CROCC2: variants seen among roughly 807,000 people sequenced by gnomAD.
CROCC2 encodes ciliary rootlet coiled-coil, rootletin family member 2, also known as ciliary rootlet coiled-coil protein 2.
In CROCC2, 163 loss-of-function variants were observed where a neutral mutation model predicts 177.6. That is an observed-to-expected ratio of 0.92 (90% CI 0.81 to 1.05). The LOEUF is 1.05. Ranked by LOEUF, CROCC2 falls within the 50% of genes least tolerant of loss-of-function variation. The probability of loss-of-function intolerance (pLI) is 0.00; values close to 1 mark genes in which losing one functional copy is unlikely to be tolerated. For missense variants in CROCC2, 1,929 were observed against 1,797.8 expected (o/e 1.07, Z -1.32); for synonymous variants, 904 against 787.3 (o/e 1.15, Z -2.48).
chr2:240,937,076 GA>G (rs1431446383), intron 14 of CROCC2, among the ~76,000 whole-genome samples: 2 of 152,226 alleles, frequency 1.3e-5, no homozygotes, highest in Non-Finnish European at 2.9e-5. Flanking sequence ...GCAGCTTTCC[GA>G]AAAAGCAGGC....
At chr2:240,970,740 T>A (rs1217719705) in intron 27 of CROCC2, among the ~76,000 whole-genome samples, 1 of 152,138 alleles carries the variant, frequency 6.6e-6, no homozygotes, top group Non-Finnish European at 1.5e-5. Context: ...AGGTTGAACT[T>A]CTCTTGGTGT....
rs147156564 is a variant in CROCC2, at chr2:240,922,607, G to A, written c.450G>A (p.Leu150=). The change falls in exon 4 of 32, where the codon CTG becomes CTA. Residue 150 remains leucine (L), a synonymous_variant. Coordinates refer to ENST00000690015, the MANE Select transcript of CROCC2 (RefSeq NM_001351305.2). ...RRSELEHSVD[L]EEALGRLEAA... ...CAGAGCTGGAGCACAGCGTGGATCT[G>A]GAGGAGGCCCTTGGCCGTCTGGAGG... 1.4e-4 allele frequency: 93 copies of A among 681,160 alleles called. No homozygotes were observed. The African/African-American group carries it at 1.5e-3, about 11-fold the overall frequency. 42.2% of individuals were successfully genotyped at this position (681,160 alleles called of 1,614,324 possible).
chr2:240,933,861 C>A lies in CROCC2; in HGVS notation c.1646+9C>A, dbSNP rs1282768749. ...AGGGCACTGGAGACCAGGTGCGCGG[C>A]CGTGGCTGGGTGGGCAGGGCCCCTC... is the stretch of plus-strand genomic sequence containing the variant. On this transcript the variant is annotated intron_variant, in intron 11 of 31. Transcript: ENST00000690015. 6.5e-7 allele frequency: 1 copy of A among 1,539,846 alleles called. No homozygotes were observed. The highest frequency in any genetic ancestry group is 8.8e-7 in the Non-Finnish European group (1 of 1,141,056).
intron 18 of CROCC2, among the ~76,000 whole-genome samples, chr2:240,952,315 C>CGAA (rs749292689): frequency 8.8e-6 from 1 of 113,536 alleles, no homozygotes; most frequent in Non-Finnish European, 1.8e-5. Context: ...TACTCCTTCT[C>CGAA]AAAAAAAAAA....
intron 1 of CROCC2, among the ~76,000 whole-genome samples, chr2:240,915,912 T>C (rs1048043997): frequency 3.3e-5 from 5 of 152,272 alleles, no homozygotes; most frequent in African/African-American, 1.2e-4. Flanking sequence ...CCTCCAGCCC[T>C]GGTGTTCCCT....
At chr2:240,930,807 C>T (rs754009407) in intron 6 of CROCC2, 124 bp from the exon 7 acceptor site, 1 of 598,454 alleles carries the variant, frequency 1.7e-6, no homozygotes, top group Non-Finnish European at 3.0e-6. Context: ...ACAATCAATG[C>T]CATGCAGTGG....
chr2:240,940,596 C>T (rs1310464968), intron 14 of CROCC2, among the ~76,000 whole-genome samples: 1 of 151,462 alleles, frequency 6.6e-6, no homozygotes, highest in Non-Finnish European at 1.5e-5. Context: ...AAACAAAAAT[C>T]ACATGATCAT....
chr2:240,935,771 GAGA>G (rs34918663), intron 14 of CROCC2, among the ~76,000 whole-genome samples, 183 bp downstream of exon 14: 24,984 of 152,172 alleles, frequency 0.16, 2,211 homozygotes, highest in African/African-American at 0.2. Context: ...AAGGTATGCA[GAGA>G]AGAAGATTCC....
chr2:240,957,161 G>A (rs1323119862), intron 19 of CROCC2, among the ~76,000 whole-genome samples: 8 of 152,144 alleles, frequency 5.3e-5, no homozygotes, highest in Non-Finnish European at 1.2e-4. Flanking sequence ...GGGCGAGGCT[G>A]ATCGCCAACC....
Position 240,964,492 on chromosome 2 carries a change from A to G in CROCC2, c.3332A>G (p.Glu1111Gly). The G allele has an allele frequency of 6.5e-7, 1 of 1,548,806 alleles. No individual in the cohort carries two copies. Among genetic ancestry groups the G allele is most frequent in the Non-Finnish European group, 8.7e-7 (1 of 1,146,844 alleles). Reference sequence around the variant, plus strand: ...TTTAAGCGGTCCAAGGAGGAGAAGGAGCAGAAGCTGCTCATCCTGGAGGAG... The same window carrying G: ...TTTAAGCGGTCCAAGGAGGAGAAGGGGCAGAAGCTGCTCATCCTGGAGGAG... Reference protein sequence around the residue: ...ASFKRSKEEKEQKLLILEEAQ... With the variant: ...ASFKRSKEEKGQKLLILEEAQ... The change falls in exon 22 of 32, where the codon GAG becomes GGG. Residue 1111 changes from glutamate to glycine, a missense_variant. Coordinates refer to ENST00000690015, the MANE Select transcript of CROCC2 (RefSeq NM_001351305.2).
At position 240,931,550 on chromosome 2, in the gene CROCC2, G is replaced by T. The variant is rs544401343; in HGVS notation, c.947+422G>T. 1.8e-4 allele frequency among the ~76,000 whole-genome samples: 28 copies of T among 152,356 alleles called. No homozygotes were observed. In the South Asian group the frequency reaches 5.4e-3, roughly 29 times the overall value. ...TGAAGGACACCCACGCCCTCTCTGG[G>T]GGTCTATGAGCCCCGCCGTGATTGT... is the stretch of plus-strand genomic sequence containing the variant. On this transcript the variant is annotated intron_variant, in intron 7 of 31. Transcript: ENST00000690015.
intron 1 of CROCC2, among the ~76,000 whole-genome samples, chr2:240,913,930 G>C (rs541603933): frequency 6.6e-6 from 1 of 152,276 alleles, no homozygotes; most frequent in Admixed American, 6.5e-5. Flanking sequence ...CCTGTCCTCA[G>C]ATGTGTTCTT....
chr2:240,926,562 C>T (rs186029455), intron 5 of CROCC2, among the ~76,000 whole-genome samples: 4 of 152,252 alleles, frequency 2.6e-5, no homozygotes, highest in South Asian at 4.1e-4. Context: ...ATGGGCACCA[C>T]GGGCAAGGAT....
In CROCC2 at chr2:240,933,137, T is replaced by G; in HGVS notation, c.1258T>G (p.Cys420Gly). ...ACTTACCCCACCCGAGCAGGAGCTGTGCCTGCAGCTGAAGTCCTCCCAGGC... is the reference window on the plus strand; with the variant it reads ...ACTTACCCCACCCGAGCAGGAGCTGGGCCTGCAGCTGAAGTCCTCCCAGGC... ...ERRWRREQEL[C>G]LQLKSSQALV... is the part of the protein sequence containing the mutation. The change falls in exon 10 of 32, where the codon TGC becomes GGC. Residue 420 changes from cysteine (C) to glycine (G), a missense_variant. By Grantham distance (159) the Cys-to-Gly change is radical (BLOSUM62 -3). Around this residue, in one of 3 missense-constraint regions of CROCC2, gnomAD observed 1,397 missense variants for 1,239.9 expected, o/e 1.13. Transcript: ENST00000690015. 2 of 1,550,150 alleles carry G rather than the reference T, an allele frequency of 1.3e-6. No homozygotes were observed. Among genetic ancestry groups the G allele is most frequent in the Non-Finnish European group, 8.7e-7 (1 of 1,146,894 alleles).
chr2:240,935,832 C>G (rs1007693204), intron 14 of CROCC2, among the ~76,000 whole-genome samples: 1 of 152,206 alleles, frequency 6.6e-6, no homozygotes, highest in South Asian at 2.1e-4. Context: ...CAGGGGAGCC[C>G]GGGCCTCAGG....
At chr2:240,971,104 T>C (rs1409237093) in intron 27 of CROCC2, among the ~76,000 whole-genome samples, 1 of 152,142 alleles carries the variant, frequency 6.6e-6, no homozygotes, top group Non-Finnish European at 1.5e-5. Flanking sequence ...TGTGCCACAG[T>C]GTGGCAGCAG....
In CROCC2 at chr2:240,949,062, C is replaced by T. The variant is rs967887844; in HGVS notation, c.2447C>T (p.Ala816Val). The change falls in exon 16 of 32, where the codon GCC becomes GTC. Residue 816 changes from alanine (A) to valine (V), a missense_variant. Coordinates refer to ENST00000690015, the MANE Select transcript of CROCC2 (RefSeq NM_001351305.2). The surrounding 1 kb of genome is among the most constrained non-coding windows in gnomAD (Gnocchi z 4.5). ...TKLQEQLEEE[A>V]RSAGLARQAL... ...CTGCAGGAGCAGCTGGAGGAGGAAGCCCGGAGCGCAGGACTCGCGCGGCAG... is the reference window on the plus strand; with the variant it reads ...CTGCAGGAGCAGCTGGAGGAGGAAGTCCGGAGCGCAGGACTCGCGCGGCAG... The T allele has an allele frequency of 1.0e-5, 16 of 1,548,436 alleles. No individual in the cohort carries two copies. In the African/African-American group the frequency reaches 1.9e-4, roughly 19 times the overall value.
chr2:240,920,873 T>C (rs2059353627), intron 3 of CROCC2, among the ~76,000 whole-genome samples: 1 of 152,206 alleles, frequency 6.6e-6, no homozygotes, highest in African/African-American at 2.4e-5. Flanking sequence ...TGCTGGCTTC[T>C]GAGGCAGGAC....
intron 1 of CROCC2, among the ~76,000 whole-genome samples, chr2:240,912,570 C>T (rs966437331): frequency 6.6e-6 from 1 of 152,218 alleles, no homozygotes; most frequent in Non-Finnish European, 1.5e-5. Flanking sequence ...AGCCTCCAGG[C>T]CCCTGGGCAC....
Sources: gnomAD v4.1 joint callset for allele counts (sites outside exome capture counted in the v4.1 genomes callset) on GRCh38, gnomAD v4.1.1 for gene constraint, gnomAD v4.1.1 regional missense constraint, Gnocchi (gnomAD v3.1) non-coding constraint, MANE v1.5 for transcripts, NCBI Gene and HGNC (gene_info 2026-07-23, HGNC 2026-07-21) for gene names.